PTCHD4: variants seen among roughly 807,000 people sequenced by gnomAD.
PTCHD4 encodes the protein patched domain-containing protein 4.
PTCHD4 carries 33 observed loss-of-function variants against 58.1 expected under a neutral mutation model. That is an observed-to-expected ratio of 0.57 (90% CI 0.43 to 0.76). PTCHD4 has a LOEUF of 0.76. PTCHD4 is among the 30% of genes least tolerant of loss of function. The pLI is 0.00. For missense variants in PTCHD4, 1,058 were observed against 1,027.1 expected (o/e 1.03, Z -0.41); for synonymous variants, 478 against 409.6 (o/e 1.17, Z -2.02).
chr6:48,043,963 A>T (rs1763942339), intron 3 of PTCHD4, among the ~76,000 whole-genome samples: 1 of 151,802 alleles, frequency 6.6e-6, no homozygotes, highest in African/African-American at 2.4e-5. Context: ...GAACGTAAAA[A>T]CTGTGAAGTT....
At position 47,878,978 on chromosome 6, in the gene PTCHD4, G is replaced by T; in HGVS notation, c.1857C>A (p.Ile619=). 1 of 1,613,076 alleles carries T rather than the reference G, an allele frequency of 6.2e-7. No homozygotes were observed. The change falls in exon 5 of 5, where the codon ATC becomes ATA. Residue 619 remains isoleucine, a synonymous_variant. Coordinates refer to ENST00000339488, the MANE Select transcript of PTCHD4 (RefSeq NM_001384253.1). ...ARTSRDKQKE[I]TEVLEKLRPL... The stretch of plus-strand genomic sequence containing the variant: ...GCCTCAGCTTTTCCAACACTTCTGT[G>T]ATTTCTTTCTGCTTGTCTCTGCTAG...
At position 47,868,939 on chromosome 6, in the gene PTCHD4, G is replaced by A. The variant is rs905579375; in HGVS notation, c.*9364C>T. ...CCAGGAAAGACATAAAGGCATCCTT[G>A]TTTTTAAGAAAACATACGGCAAACT... On this transcript the variant is annotated 3_prime_UTR_variant, in exon 5 of 5. Coordinates refer to ENST00000339488, the MANE Select transcript of PTCHD4 (RefSeq NM_001384253.1). Among the ~76,000 whole-genome samples the A allele has an allele frequency of 1.3e-5, 2 of 151,642 alleles. No homozygotes were observed. Among genetic ancestry groups the A allele is most frequent in the Admixed American group, 1.3e-4 (2 of 15,192 alleles).
At chr6:48,027,132 G>A (rs1219638995) in intron 3 of PTCHD4, among the ~76,000 whole-genome samples, 2 of 151,954 alleles carry the variant, frequency 1.3e-5, no homozygotes, top group East Asian at 3.9e-4. Context: ...ATATGTATAT[G>A]TAATATTTTT....
intron 1 of PTCHD4, among the ~76,000 whole-genome samples, chr6:48,086,507 C>A (rs1014303553): frequency 2.0e-5 from 3 of 146,438 alleles, no homozygotes; most frequent in African/African-American, 7.7e-5. Flanking sequence ...TTACCAATTT[C>A]TGTTTTTTTT....
intron 4 of PTCHD4, among the ~76,000 whole-genome samples, chr6:47,997,063 G>A (rs930300172): frequency 6.6e-6 from 1 of 152,136 alleles, no homozygotes; most frequent in African/African-American, 2.4e-5. Flanking sequence ...TAAAGGAGGA[G>A]GAAGGTAATA....
chr6:48,021,292 C>T (rs1203645769), intron 3 of PTCHD4, among the ~76,000 whole-genome samples: 1 of 151,956 alleles, frequency 6.6e-6, no homozygotes, highest in East Asian at 1.9e-4. Flanking sequence ...AGATTTCTGG[C>T]TGCTAATGGT....
Position 47,866,748 on chromosome 6 carries a change from C to A in PTCHD4, c.*11555G>T, listed in dbSNP as rs1369812337. On this transcript the variant is annotated 3_prime_UTR_variant, in exon 5 of 5. Coordinates refer to ENST00000339488, the MANE Select transcript of PTCHD4 (RefSeq NM_001384253.1). The stretch of plus-strand genomic sequence containing the variant: ...TTAAAACTTTAACTATTAAAAAGGA[C>A]AAGGGTAATGTATAAATCAGTTAGG... 6.6e-6 allele frequency among the ~76,000 whole-genome samples: 1 copy of A among 151,692 alleles called. No homozygotes were observed. Among genetic ancestry groups the A allele is most frequent in the Non-Finnish European group, 1.5e-5 (1 of 67,842 alleles).
At chr6:48,070,648 A>C (rs890091125) in intron 1 of PTCHD4, among the ~76,000 whole-genome samples, 4 of 152,166 alleles carry the variant, frequency 2.6e-5, no homozygotes, top group African/African-American at 9.7e-5. Context: ...AACATTCCCA[A>C]ATTCACAAAT....
Position 48,009,003 on chromosome 6 carries a change from G to A in PTCHD4, c.529C>T (p.Gln177Ter). ...TCTTGGGTGGCAGAGCCATAGGTCTGGAGGTAGTAGGTGATTTGAATGGCT... is the reference window on the plus strand; with the variant it reads ...TCTTGGGTGGCAGAGCCATAGGTCTAGAGGTAGTAGGTGATTTGAATGGCT... ...ARAIQITYYLQTYGSATQDLI... is the reference protein window; with the variant it reads ...ARAIQITYYL Residue 177 changes from glutamine (Q) to a stop codon, truncating the protein, a stop_gained, in exon 4 of 5, where the codon CAG (glutamine) becomes TAG (stop). Coordinates refer to ENST00000339488, the MANE Select transcript of PTCHD4 (RefSeq NM_001384253.1). LOFTEE classifies it high-confidence loss of function. The A allele has an allele frequency of 6.2e-7, 1 of 1,613,960 alleles. No homozygotes were observed. Among genetic ancestry groups the A allele is most frequent in the South Asian group, 1.1e-5 (1 of 91,080 alleles).
At chr6:48,019,475 G>A (rs539376087) in intron 3 of PTCHD4, among the ~76,000 whole-genome samples, 2 of 152,128 alleles carry the variant, frequency 1.3e-5, no homozygotes, top group African/African-American at 2.4e-5. Flanking sequence ...TGTGGCTCAC[G>A]CCTGTAATCC....
At chr6:48,093,234 T>C (rs374927472) in intron 1 of PTCHD4, among the ~76,000 whole-genome samples, 2 of 152,264 alleles carry the variant, frequency 1.3e-5, no homozygotes, top group South Asian at 2.1e-4. Context: ...ACTTCAGAGA[T>C]CATCTACTTC....
intron 3 of PTCHD4, among the ~76,000 whole-genome samples, chr6:48,011,846 T>C (rs1238468662): frequency 6.6e-6 from 1 of 152,212 alleles, no homozygotes; most frequent in Non-Finnish European, 1.5e-5. Flanking sequence ...TCTCCATTGC[T>C]TGTTTTTGTC....
intron 4 of PTCHD4, chr6:47,900,939 G>C (rs1581849067): frequency 6.6e-6 from 1 of 151,966 alleles, no homozygotes; most frequent in African/African-American, 2.4e-5. Context: ...TGGATCATGA[G>C]GTCAGGAGAT....
chr6:47,972,323 T>C (rs1767543608), intron 4 of PTCHD4, among the ~76,000 whole-genome samples: 1 of 152,160 alleles, frequency 6.6e-6, no homozygotes. Context: ...GGGAGGATAA[T>C]GGTTATGTTA....
intron 4 of PTCHD4, among the ~76,000 whole-genome samples, chr6:47,912,128 C>T (rs1765089903): frequency 6.6e-6 from 1 of 152,118 alleles, no homozygotes; most frequent in Non-Finnish European, 1.5e-5. Flanking sequence ...TACCCACTCC[C>T]CTCCAGCATC....
chr6:48,024,509 C>T (rs1288942910), intron 3 of PTCHD4, among the ~76,000 whole-genome samples: 2 of 152,078 alleles, frequency 1.3e-5, no homozygotes, highest in Admixed American at 6.6e-5. Context: ...CAAATGACCA[C>T]CTAGACATAG....
chr6:47,901,246 T>G (rs1764691653), intron 4 of PTCHD4: 1 of 154,662 alleles, frequency 6.5e-6, no homozygotes, highest in Non-Finnish European at 1.4e-5. Context: ...TGAATTTGGC[T>G]TGCTAGTATT....
chr6:48,103,258 C>T (rs1765647041), intron 1 of PTCHD4, among the ~76,000 whole-genome samples: 1 of 152,124 alleles, frequency 6.6e-6, no homozygotes, highest in African/African-American at 2.4e-5. Flanking sequence ...GACAAAAATT[C>T]CAGAGGAATG....
intron 1 of PTCHD4, among the ~76,000 whole-genome samples, chr6:48,071,009 G>A (rs1438112018): frequency 7.2e-5 from 11 of 152,146 alleles, no homozygotes; most frequent in Non-Finnish European, 1.6e-4. Flanking sequence ...AACTTATCAA[G>A]TCCATTTTAT....
Sources: gnomAD v4.1 joint callset for allele counts (sites outside exome capture counted in the v4.1 genomes callset) on GRCh38, gnomAD v4.1.1 for gene constraint, MANE v1.5 for transcripts, NCBI Gene and HGNC (gene_info 2026-07-23, HGNC 2026-07-21) for gene names.